The following FHIT variants were observed in gnomAD, a reference collection of about 807,000 sequenced individuals.
FHIT encodes fragile histidine triad diadenosine triphosphatase, also known as bis(5'-adenosyl)-triphosphatase.
Under a neutral mutation model 17.9 loss-of-function variants are expected in FHIT, and 19 were observed. The observed-to-expected ratio is 1.06, with a 90% CI of 0.74 to 1.56. The LOEUF is 1.56. FHIT is among the 40% of genes most tolerant of loss of function. FHIT has a pLI of 0.00. For synonymous variants in FHIT, 81 were observed against 69.7 expected, an observed-to-expected ratio of 1.16 and a Z score of -0.81; for missense variants, 248 against 189.2, an observed-to-expected ratio of 1.31 and a Z score of -1.82.
intron 5 of FHIT, among the ~76,000 whole-genome samples, chr3:60,049,851 T>G (rs927794911): frequency 1.1e-4 from 17 of 152,268 alleles, no homozygotes; most frequent in South Asian, 8.3e-4. Context: ...AAATAATAAT[T>G]TTACTTCATT....
chr3:60,690,026 G>C (rs781973930), intron 4 of FHIT, among the ~76,000 whole-genome samples: 1 of 152,130 alleles, frequency 6.6e-6, no homozygotes, highest in African/African-American at 2.4e-5. Context: ...TTGTTATTTA[G>C]TTTTTATTTC....
intron 5 of FHIT, among the ~76,000 whole-genome samples, chr3:60,182,758 G>A (rs915834374): frequency 6.6e-6 from 1 of 151,998 alleles, no homozygotes; most frequent in Non-Finnish European, 1.5e-5. Context: ...ACTGCAGCCT[G>A]GGTGACAGAG....
At position 59,828,457 on chromosome 3, in the gene FHIT, T is replaced by C. The variant is rs564251367; in HGVS notation, c.349-76136A>G. 5.9e-5 allele frequency among the ~76,000 whole-genome samples: 9 copies of C among 152,356 alleles called. No homozygotes were observed. The East Asian group carries it at 1.2e-3, about 20-fold the overall frequency. On this transcript the variant is annotated intron_variant, in intron 8 of 9. Coordinates refer to ENST00000492590, the MANE Select transcript of FHIT (RefSeq NM_002012.4). ...TGTATCTCTTAGTCATTGACAACTT[T>C]CTTTATACTCTGAAGCAAAGTTATC...
chr3:61,143,007 G>C (rs920043804), intron 2 of FHIT, among the ~76,000 whole-genome samples: 7 of 151,584 alleles, frequency 4.6e-5, no homozygotes, highest in Non-Finnish European at 8.8e-5. Context: ...TTTATCTTTA[G>C]TAAATTTCAG....
intron 5 of FHIT, among the ~76,000 whole-genome samples, chr3:60,263,023 T>C (rs1049412123): frequency 4.6e-5 from 7 of 151,918 alleles, no homozygotes; most frequent in African/African-American, 7.2e-5. Context: ...CTCAGTAAGA[T>C]AGTCAACCCA....
chr3:60,940,258 CT>C (rs370056204), intron 3 of FHIT, among the ~76,000 whole-genome samples: 2 of 151,996 alleles, frequency 1.3e-5, no homozygotes, highest in African/African-American at 4.8e-5. Flanking sequence ...AAAAATTGCC[CT>C]GTAAATCACA....
At chr3:59,760,776 C>G (rs1280651554) in intron 8 of FHIT, among the ~76,000 whole-genome samples, 1 of 152,154 alleles carries the variant, frequency 6.6e-6, no homozygotes, top group African/African-American at 2.4e-5. Context: ...ACCCCAGACA[C>G]TGCCTCCTGG....
rs576299747 is a variant in FHIT at position 59,796,797 on chromosome 3, T to G, written c.349-44476A>C. On this transcript the variant is annotated intron_variant, in intron 8 of 9. Coordinates refer to ENST00000492590, the MANE Select transcript of FHIT (RefSeq NM_002012.4). ...GACAAAGGGTGCAGCAATCCCTTAA[T>G]GATGTCTGACTTGGGAGAGGGAATT... Among the ~76,000 whole-genome samples the G allele has an allele frequency of 4.6e-5, 7 of 152,302 alleles. No individual in the cohort carries two copies. The East Asian group carries it at 1.4e-3, about 29-fold the overall frequency.
chr3:60,415,792 G>T (rs986082469), intron 5 of FHIT, among the ~76,000 whole-genome samples: 3 of 149,056 alleles, frequency 2.0e-5, no homozygotes, highest in African/African-American at 7.4e-5. Context: ...TAAATGATTT[G>T]ATTTCTCTGA....
intron 8 of FHIT, among the ~76,000 whole-genome samples, chr3:59,913,854 G>C (rs1705003243): frequency 6.6e-6 from 1 of 152,148 alleles, no homozygotes; most frequent in Non-Finnish European, 1.5e-5. Context: ...TCAAGGTGGA[G>C]AGAATTTAGA....
intron 6 of FHIT, 121 bp from the exon 7 acceptor site, chr3:60,011,521 T>C (rs2106683744): frequency 1.2e-6 from 1 of 857,736 alleles, no homozygotes; most frequent in South Asian, 1.5e-5. Flanking sequence ...TATAGTATTC[T>C]CATGGGGACC....
intron 5 of FHIT, among the ~76,000 whole-genome samples, chr3:60,129,413 A>G (rs9839662): frequency 0.2 from 30,166 of 152,134 alleles, 3,308 homozygotes; most frequent in Admixed American, 0.3. Context: ...TTTCCTCTGA[A>G]TGAATTCAAC....
chr3:60,931,558 A>G (rs1392747525), intron 3 of FHIT, among the ~76,000 whole-genome samples: 1 of 151,886 alleles, frequency 6.6e-6, no homozygotes, highest in Admixed American at 6.6e-5. Context: ...AGGAAAATGA[A>G]GCGGTCAAAT....
chr3:60,992,317 T>C (rs180928548), intron 3 of FHIT, among the ~76,000 whole-genome samples: 1 of 152,380 alleles, frequency 6.6e-6, no homozygotes, highest in African/African-American at 2.4e-5. Flanking sequence ...ACATGATGGA[T>C]ATACATATGT....
intron 3 of FHIT, among the ~76,000 whole-genome samples, chr3:60,854,826 G>A (rs1449257884): frequency 2.0e-5 from 3 of 152,142 alleles, no homozygotes; most frequent in Non-Finnish European, 4.4e-5. Context: ...GATATGAGCT[G>A]AGCATTGCTG....
chr3:61,146,456 A>G (rs1383564930), intron 2 of FHIT, among the ~76,000 whole-genome samples: 8 of 152,192 alleles, frequency 5.3e-5, no homozygotes, highest in Non-Finnish European at 1.0e-4. Context: ...TATAAAATCT[A>G]TGATCTCACT....
In FHIT at chr3:59,995,508, T is replaced by G. The variant is rs144715356; in HGVS notation, c.279+15863A>C. Among the ~76,000 whole-genome samples, 675 of 152,274 alleles carry G rather than the reference T, an allele frequency of 4.4e-3. 4 individuals carry two copies. The highest frequency in any genetic ancestry group is 0.014 in the African/African-American group (580 of 41,578). Reference sequence around the variant, plus strand: ...TTCAGAGGTTAAGAAAAAACTCACTTTCTGTTATTGTAAACTTAACACCAG... The same window carrying G: ...TTCAGAGGTTAAGAAAAAACTCACTGTCTGTTATTGTAAACTTAACACCAG... On this transcript the variant is annotated intron_variant, in intron 7 of 9. Coordinates refer to ENST00000492590, the MANE Select transcript of FHIT (RefSeq NM_002012.4).
intron 4 of FHIT, among the ~76,000 whole-genome samples, chr3:60,624,444 T>C (rs934130417): frequency 2.0e-5 from 3 of 152,174 alleles, no homozygotes. Context: ...AGGAAGCTGA[T>C]GGAGAGTCCC....
At chr3:60,721,375 A>T (rs919548561) in intron 4 of FHIT, among the ~76,000 whole-genome samples, 16 of 151,616 alleles carry the variant, frequency 1.1e-4, no homozygotes, top group Non-Finnish European at 2.1e-4. Context: ...ATTGCCAAAG[A>T]AGCTTTATCT....
Sources: gnomAD v4.1 joint callset for allele counts (sites outside exome capture counted in the v4.1 genomes callset) on GRCh38, gnomAD v4.1.1 for gene constraint, MANE v1.5 for transcripts, NCBI Gene and HGNC (gene_info 2026-07-23, HGNC 2026-07-21) for gene names.